MAGI2: variants seen among roughly 807,000 people sequenced by gnomAD.
The protein encoded by MAGI2 is membrane associated guanylate kinase, WW and PDZ domain containing 2, also known as membrane-associated guanylate kinase, WW and PDZ domain-containing protein 2.
MAGI2 carries 35 observed loss-of-function variants against 133.3 expected under a neutral mutation model. The ratio of observed to expected loss-of-function variants is 0.26; its 90% confidence interval spans 0.20 to 0.35. The LOEUF (loss-of-function observed/expected upper bound fraction) is 0.35, where lower values mean the gene tolerates loss of function less well. Among genes scored for constraint, MAGI2 ranks in the 10% least tolerant of loss-of-function variants. The probability of loss-of-function intolerance (pLI) is 1.00; values close to 1 mark genes in which losing one functional copy is unlikely to be tolerated. For synonymous variants in MAGI2, 729 were observed against 710.6 expected, an observed-to-expected ratio of 1.03 and a Z score of -0.41; for missense variants, 1,636 against 1,863.4, an observed-to-expected ratio of 0.88 and a Z score of 2.25.
chr7:78,352,651 G>A (rs914120758), intron 7 of MAGI2, among the ~76,000 whole-genome samples: 7 of 152,136 alleles, frequency 4.6e-5, no homozygotes, highest in African/African-American at 1.7e-4. Context: ...GTATCCAGCT[G>A]GGAGGTGGAA....
chr7:79,442,249 T>C (rs1004996790), intron 1 of MAGI2, among the ~76,000 whole-genome samples: 1 of 152,206 alleles, frequency 6.6e-6, no homozygotes, highest in African/African-American at 2.4e-5. Context: ...TGGACTCTCA[T>C]AATCAGAGTT....
chr7:78,393,033 T>TA (rs1245054489), intron 6 of MAGI2, among the ~76,000 whole-genome samples: 9 of 151,968 alleles, frequency 5.9e-5, no homozygotes, highest in East Asian at 3.9e-4. Context: ...AATATAATAG[T>TA]AAAAAAAACG....
At chr7:78,895,748 C>T (rs1029371536) in intron 2 of MAGI2, among the ~76,000 whole-genome samples, 2 of 152,102 alleles carry the variant, frequency 1.3e-5, no homozygotes, top group African/African-American at 4.8e-5. Flanking sequence ...ATGGTCAACT[C>T]GATTCACTTG....
intron 2 of MAGI2, among the ~76,000 whole-genome samples, chr7:78,874,758 T>C (rs746151369): frequency 4.8e-4 from 73 of 152,290 alleles, no homozygotes; most frequent in Non-Finnish European, 9.6e-4. Flanking sequence ...ATACATTGTA[T>C]AGTTTAAAAT....
intron 5 of MAGI2, among the ~76,000 whole-genome samples, chr7:78,500,319 T>C (rs979904912): frequency 1.3e-5 from 2 of 152,212 alleles, no homozygotes; most frequent in African/African-American, 4.8e-5. Flanking sequence ...TCTTAAATAA[T>C]CAGAGTTTTC....
intron 21 of MAGI2, among the ~76,000 whole-genome samples, chr7:78,038,103 C>A (rs916132809): frequency 6.6e-6 from 1 of 152,070 alleles, no homozygotes; most frequent in African/African-American, 2.4e-5. Flanking sequence ...TGTGTTCGCT[C>A]TTTTTTTGTA....
chr7:79,115,177 A>G (rs1428687770), intron 1 of MAGI2, among the ~76,000 whole-genome samples: 1 of 152,186 alleles, frequency 6.6e-6, no homozygotes, highest in Non-Finnish European at 1.5e-5. Context: ...TTCCTGGGCC[A>G]GAAAACCTGT....
intron 20 of MAGI2, among the ~76,000 whole-genome samples, chr7:78,123,503 T>C (rs1820670708): frequency 6.6e-6 from 1 of 152,168 alleles, no homozygotes; most frequent in African/African-American, 2.4e-5. Flanking sequence ...TTTGGGGCCA[T>C]TACTAAGTAA....
chr7:78,476,004 G>C (rs1791711170), intron 6 of MAGI2, among the ~76,000 whole-genome samples: 1 of 151,864 alleles, frequency 6.6e-6, no homozygotes, highest in Non-Finnish European at 1.5e-5. Flanking sequence ...TCATTTTTGA[G>C]GAGCTTAGCA....
chr7:79,264,380 C>T (rs1834296330), intron 1 of MAGI2, among the ~76,000 whole-genome samples: 1 of 152,094 alleles, frequency 6.6e-6, no homozygotes. Context: ...GAAATTAGTT[C>T]CTGTGTGAGG....
chr7:78,646,408 G>A (rs1295156814), intron 2 of MAGI2, among the ~76,000 whole-genome samples: 1 of 152,054 alleles, frequency 6.6e-6, no homozygotes, highest in Non-Finnish European at 1.5e-5. Context: ...ATTGTATTTA[G>A]GAATATAGGA....
intron 20 of MAGI2, among the ~76,000 whole-genome samples, chr7:78,088,444 G>A (rs1816855136): frequency 6.6e-6 from 1 of 152,212 alleles, no homozygotes; most frequent in African/African-American, 2.4e-5. Context: ...ACACCAAGAT[G>A]GGTGGCGGGG....
At chr7:78,506,624 T>C (rs1278719816) in intron 4 of MAGI2, among the ~76,000 whole-genome samples, 1 of 152,136 alleles carries the variant, frequency 6.6e-6, no homozygotes, top group East Asian at 1.9e-4. Flanking sequence ...GCAAAGGGTG[T>C]TGAAGACAAG....
At chr7:78,563,864 C>T (rs757857358) in intron 3 of MAGI2, among the ~76,000 whole-genome samples, 1 of 152,148 alleles carries the variant, frequency 6.6e-6, no homozygotes, top group Non-Finnish European at 1.5e-5. Flanking sequence ...TCCATAGTAT[C>T]TTATCACAAA....
At chr7:78,856,334 T>C (rs1793629880) in intron 2 of MAGI2, among the ~76,000 whole-genome samples, 1 of 152,250 alleles carries the variant, frequency 6.6e-6, no homozygotes, top group Non-Finnish European at 1.5e-5. Flanking sequence ...CACATGCCTA[T>C]GTCCTGAATG....
chr7:78,079,464 T>C (rs550628743), intron 20 of MAGI2, among the ~76,000 whole-genome samples: 1 of 152,348 alleles, frequency 6.6e-6, no homozygotes, highest in East Asian at 1.9e-4. Flanking sequence ...TTTTAAGGGC[T>C]TTTCATTGAT....
At chr7:78,765,412 A>G (rs370795460) in intron 2 of MAGI2, among the ~76,000 whole-genome samples, 72 of 124,204 alleles carry the variant, frequency 5.8e-4, no homozygotes, top group African/African-American at 1.9e-3. Flanking sequence ...ACAGTGGTGC[A>G]ATCTTGGCTC....
intron 2 of MAGI2, among the ~76,000 whole-genome samples, chr7:78,668,244 G>T (rs1221686312): frequency 3.3e-5 from 5 of 151,764 alleles, no homozygotes; most frequent in African/African-American, 9.7e-5. Context: ...GGGGTTGTTT[G>T]TTTTTTTCTT....
At chr7:78,157,938 G>A (rs187164411) in intron 16 of MAGI2, among the ~76,000 whole-genome samples, 14 of 152,298 alleles carry the variant, frequency 9.2e-5, no homozygotes, top group African/African-American at 2.6e-4. Context: ...CATATTCGCT[G>A]AGGTTTAATG....
Sources: gnomAD v4.1 joint callset for allele counts (sites outside exome capture counted in the v4.1 genomes callset) on GRCh38, gnomAD v4.1.1 for gene constraint, MANE v1.5 for transcripts, NCBI Gene and HGNC (gene_info 2026-07-23, HGNC 2026-07-21) for gene names.